The following DENND2A variants were observed in gnomAD, a reference collection of about 807,000 sequenced individuals.
The protein encoded by DENND2A is DENN domain-containing protein 2A.
DENND2A carries 53 observed loss-of-function variants against 105.3 expected under a neutral mutation model. That is an observed-to-expected ratio of 0.50 (90% CI 0.40 to 0.63). The LOEUF (loss-of-function observed/expected upper bound fraction) is 0.63, where lower values mean the gene tolerates loss of function less well. Ranked by LOEUF, DENND2A falls within the 30% of genes least tolerant of loss-of-function variation. The pLI, the probability that DENND2A is intolerant of heterozygous loss-of-function variation, is 0.00. For synonymous variants in DENND2A, 522 were observed against 508.4 expected (o/e 1.03, Z -0.36); for missense variants, 1,138 against 1,279.6 (o/e 0.89, Z 1.69).
At position 140,602,288 on chromosome 7, in the gene DENND2A, G is replaced by A; in HGVS notation, c.110C>T (p.Ala37Val). The change falls in exon 3 of 20, where the codon GCC becomes GTC. Residue 37 changes from alanine (A) to valine (V), a missense_variant. Transcript: ENST00000496613. ...GVQNPCPSAR[A>V]RPRHKSLNIK... ...GTTGAGGGACTTGTGCCGGGGTCTG[G>A]CTCTGGCAGATGGGCAAGGGTTCTG... The A allele has an allele frequency of 1.2e-6, 2 of 1,609,944 alleles. No individual in the cohort carries two copies. The highest frequency in any genetic ancestry group is 1.7e-6 in the Non-Finnish European group (2 of 1,180,014).
At chr7:140,595,764 T>C (rs1276664212) in intron 3 of DENND2A, among the ~76,000 whole-genome samples, 1 of 151,766 alleles carries the variant, frequency 6.6e-6, no homozygotes, top group African/African-American at 2.4e-5. Context: ...CAAGACCCTG[T>C]TTAAAAAAAA....
intron 1 of DENND2A, among the ~76,000 whole-genome samples, chr7:140,622,572 A>G (rs1474538219): frequency 6.6e-6 from 1 of 152,150 alleles, no homozygotes; most frequent in Non-Finnish European, 1.5e-5. Flanking sequence ...TCCAGCCATC[A>G]GGAGCCTTCA....
At chr7:140,569,799 C>T in intron 6 of DENND2A, 61 bp from the exon 7 acceptor site, 1 of 1,151,240 alleles carries the variant, frequency 8.7e-7, no homozygotes, top group Non-Finnish European at 1.3e-6. Context: ...GGCAGCTGGG[C>T]TTCCCTCACT....
chr7:140,639,505 C>T (rs1035799328), intron 1 of DENND2A, among the ~76,000 whole-genome samples: 2 of 152,254 alleles, frequency 1.3e-5, no homozygotes, highest in Non-Finnish European at 2.9e-5. Flanking sequence ...CTCCGTCCCA[C>T]GCTGCCCACC....
chr7:140,540,724 CT>C (rs375517319), intron 14 of DENND2A, among the ~76,000 whole-genome samples: 301 of 145,808 alleles, frequency 2.1e-3, no homozygotes, highest in Admixed American at 3.6e-3. Flanking sequence ...TTCTTTCTTT[CT>C]TTTTTTTTTT....
chr7:140,574,120 T>C, intron 5 of DENND2A, 112 bp from the exon 6 acceptor site: 1 of 1,232,246 alleles, frequency 8.1e-7, no homozygotes, highest in Non-Finnish European at 1.2e-6. Flanking sequence ...AACTGGTCTA[T>C]GTTCCCAGGT....
At chr7:140,627,684 G>A (rs1210820253) in intron 1 of DENND2A, among the ~76,000 whole-genome samples, 3 of 151,714 alleles carry the variant, frequency 2.0e-5, no homozygotes, top group Non-Finnish European at 4.4e-5. Context: ...GCAACAACTG[G>A]CTAATTTTTT....
intron 3 of DENND2A, among the ~76,000 whole-genome samples, chr7:140,597,110 A>G (rs1585723025): frequency 1.3e-5 from 2 of 152,306 alleles, no homozygotes; most frequent in African/African-American, 4.8e-5. Context: ...GGAAGGAAAG[A>G]GAAGAGGAGA....
intron 10 of DENND2A, among the ~76,000 whole-genome samples, chr7:140,558,870 T>G (rs1797500468): frequency 2.0e-5 from 3 of 148,708 alleles, no homozygotes; most frequent in African/African-American, 7.5e-5. Flanking sequence ...TGGTGTGATC[T>G]CGGCTCACCA....
At position 140,559,773 on chromosome 7, in the gene DENND2A, C is replaced by T; in HGVS notation, c.1824G>A (p.Leu608=). 6.2e-7 allele frequency: 1 copy of T among 1,614,202 alleles called. No individual in the cohort carries two copies. Among genetic ancestry groups the T allele is most frequent in the Non-Finnish European group, 8.5e-7 (1 of 1,180,030 alleles). The change falls in exon 10 of 20, where the codon CTG becomes CTA. Residue 608 remains leucine (L), a synonymous_variant. Coordinates refer to ENST00000496613, the MANE Select transcript of DENND2A (RefSeq NM_015689.5). This position sits in a 1 kb window ranked among gnomAD's most constrained non-coding sequence, Gnocchi z 4.1. The part of the protein sequence containing the change: ...FKFMREAEDQ[L]KAIPQFCFPD... The stretch of plus-strand genomic sequence containing the variant: ...GAAAACAGAACTGGGGAATGGCCTT[C>T]AGTTGGTCCTCAGCTTCTCTCATGA...
chr7:140,569,860 C>A (rs1022303916), intron 6 of DENND2A, 122 bp from the exon 7 acceptor site: 7 of 711,958 alleles, frequency 9.8e-6, no homozygotes, highest in Non-Finnish European at 1.8e-5. Flanking sequence ...GTGGGAGAAA[C>A]TTCCCATGGG....
intron 3 of DENND2A, among the ~76,000 whole-genome samples, chr7:140,594,931 G>A (rs1799222214): frequency 1.3e-5 from 2 of 152,012 alleles, no homozygotes; most frequent in African/African-American, 4.8e-5. Flanking sequence ...GGCCAGGAAG[G>A]TCTCGATCTC....
chr7:140,540,591 T>G (rs1466834731), intron 14 of DENND2A, among the ~76,000 whole-genome samples: 1 of 152,206 alleles, frequency 6.6e-6, no homozygotes, highest in Non-Finnish European at 1.5e-5. Context: ...CTGTCTCTGG[T>G]GACAGCAGCT....
chr7:140,601,838 G>T lies in DENND2A; in HGVS notation c.560C>A (p.Ser187Tyr), dbSNP rs763102012. The T allele has an allele frequency of 2.5e-6, 4 of 1,614,030 alleles. No homozygotes were observed. Among genetic ancestry groups the T allele is most frequent in the East Asian group, 4.5e-5 (2 of 44,890 alleles). Residue 187 changes from serine (S) to tyrosine (Y), a missense_variant, in exon 3 of 20, where the codon TCC (serine) becomes TAC (tyrosine). Coordinates refer to ENST00000496613, the MANE Select transcript of DENND2A (RefSeq NM_015689.5). ...TGCCTTGTCAGGAGGGCAGTGTGGGGAGTAACAAGTCCCTGGTAACTGGGG... is the reference window on the plus strand; with the variant it reads ...TGCCTTGTCAGGAGGGCAGTGTGGGTAGTAACAAGTCCCTGGTAACTGGGG... ...LDPQLPGTCYSPHCPPDKAEA... is the reference protein window; with the variant it reads ...LDPQLPGTCYYPHCPPDKAEA...
Position 140,560,537 on chromosome 7 carries a change from G to C in DENND2A, c.1780-720C>G, listed in dbSNP as rs191204223. On this transcript the variant is annotated intron_variant, in intron 9 of 19. Coordinates refer to ENST00000496613, the MANE Select transcript of DENND2A (RefSeq NM_015689.5). The stretch of plus-strand genomic sequence containing the variant: ...ATGAATGTTATCTTGTTAAAGAACA[G>C]GAGGAGTACTTTGGGAGGCCAAGGT... Among the ~76,000 whole-genome samples, 8 of 152,138 alleles carry C rather than the reference G, an allele frequency of 5.3e-5. No individual in the cohort carries two copies. The East Asian group carries it at 1.3e-3, about 26-fold the overall frequency.
intron 3 of DENND2A, among the ~76,000 whole-genome samples, chr7:140,589,360 G>A (rs926082459): frequency 2.0e-5 from 3 of 152,112 alleles, no homozygotes; most frequent in Admixed American, 1.3e-4. Context: ...AGTACTGTGC[G>A]ATACCCAGGC....
chr7:140,621,038 CT>C (rs1208664416), intron 1 of DENND2A, among the ~76,000 whole-genome samples: 2 of 152,018 alleles, frequency 1.3e-5, no homozygotes, highest in Non-Finnish European at 2.9e-5. Context: ...AATTTAAAAA[CT>C]TTTTTCAAGA....
At chr7:140,587,831 G>A (rs776405709) in intron 3 of DENND2A, 51 bp from the exon 4 acceptor site, 15 of 1,498,248 alleles carry the variant, frequency 1.0e-5, no homozygotes, top group Admixed American at 4.4e-5. Flanking sequence ...ATCAAATTAG[G>A]CTGTTTCAGA....
intron 1 of DENND2A, among the ~76,000 whole-genome samples, chr7:140,629,176 A>T (rs985389572): frequency 1.3e-5 from 2 of 152,226 alleles, no homozygotes; most frequent in Admixed American, 6.5e-5. Flanking sequence ...CTAGGGTGAA[A>T]GGCAGTATTC....
Sources: allele counts gnomAD v4.1 joint callset (sites outside exome capture counted in the v4.1 genomes callset), GRCh38; gene constraint gnomAD v4.1.1; non-coding constraint Gnocchi (gnomAD v3.1); transcripts MANE v1.5; gene names NCBI Gene and HGNC (gene_info 2026-07-23, HGNC 2026-07-21).